Variants in GRIA4 observed in about 807,000 individuals in gnomAD.
GRIA4 encodes glutamate ionotropic receptor AMPA type subunit 4.
In GRIA4, 34 loss-of-function variants were observed where a neutral mutation model predicts 104.0. The ratio of observed to expected loss-of-function variants is 0.33; its 90% CI spans 0.25 to 0.44. The LOEUF (loss-of-function observed/expected upper bound fraction) is 0.44. Among genes scored for constraint, GRIA4 ranks in the 20% least tolerant of loss-of-function variants. GRIA4 has a pLI of 1.00. For synonymous variants in GRIA4, 386 were observed against 381.9 expected, an observed-to-expected ratio of 1.01 and a Z score of -0.13; for missense variants, 750 against 1,096.5, an observed-to-expected ratio of 0.68 and a Z score of 4.46.
chr11:105,905,991 T>C (rs567872776), intron 9 of GRIA4, among the ~76,000 whole-genome samples: 1 of 152,326 alleles, frequency 6.6e-6, no homozygotes, highest in South Asian at 2.1e-4. Context: ...AGCTAACTCA[T>C]GTAATTTTTA....
intron 3 of GRIA4, among the ~76,000 whole-genome samples, chr11:105,630,379 C>CA (rs34107264): frequency 0.42 from 63,728 of 151,926 alleles, 13,809 homozygotes; most frequent in South Asian, 0.57. Context: ...GCCTGACTGA[C>CA]ATGGTGAGAC....
chr11:105,788,052 A>G (rs1369245794), intron 4 of GRIA4, among the ~76,000 whole-genome samples: 1 of 152,162 alleles, frequency 6.6e-6, no homozygotes, highest in East Asian at 1.9e-4. Flanking sequence ...AGAAAGTACT[A>G]TTGTTGACAA....
chr11:105,639,205 T>C (rs1245988657), intron 3 of GRIA4, among the ~76,000 whole-genome samples: 1 of 152,148 alleles, frequency 6.6e-6, no homozygotes, highest in African/African-American at 2.4e-5. Flanking sequence ...CAACTCTGAA[T>C]TGAGCATTTC....
chr11:105,712,410 G>A (rs1226942002), intron 3 of GRIA4, among the ~76,000 whole-genome samples: 1 of 151,832 alleles, frequency 6.6e-6, no homozygotes, highest in African/African-American at 2.4e-5. Flanking sequence ...TCTATATATA[G>A]ATATAGATAT....
chr11:105,797,048 T>C (rs946354738), intron 4 of GRIA4, among the ~76,000 whole-genome samples: 5 of 151,542 alleles, frequency 3.3e-5, no homozygotes, highest in African/African-American at 4.8e-5. Flanking sequence ...CCCCCGTCAA[T>C]ACAAAAAATA....
chr11:105,828,277 CTGTT>C (rs1308796196), intron 4 of GRIA4, among the ~76,000 whole-genome samples: 2 of 151,990 alleles, frequency 1.3e-5, no homozygotes, highest in Non-Finnish European at 2.9e-5. Context: ...ACCTCCAAGA[CTGTT>C]TTATTCTGTA....
At chr11:105,687,554 T>C (rs1422251884) in intron 3 of GRIA4, among the ~76,000 whole-genome samples, 1 of 152,216 alleles carries the variant, frequency 6.6e-6, no homozygotes, top group East Asian at 1.9e-4. Context: ...TATCAGGACT[T>C]GGCAACTGAT....
intron 3 of GRIA4, among the ~76,000 whole-genome samples, chr11:105,684,392 G>A (rs1253919358): frequency 6.6e-6 from 1 of 151,758 alleles, no homozygotes; most frequent in Non-Finnish European, 1.5e-5. Flanking sequence ...TGTATGTCAG[G>A]CATTTGTTTA....
At position 105,796,929 on chromosome 11, in the gene GRIA4, T is replaced by C. The variant is rs7105689; in HGVS notation, c.487+43709T>C. 3.9e-3 allele frequency among the ~76,000 whole-genome samples: 595 copies of C among 152,198 alleles called. 6 individuals are homozygous for C. Among genetic ancestry groups the C allele is most frequent in the African/African-American group, 0.013 (548 of 41,548 alleles). ...TACAGAAGGCACCATATTAGAAGCA[T>C]TGATACATAAAAATACCGCTGGCCA... On this transcript the variant is annotated intron_variant, in intron 4 of 16. Transcript: ENST00000282499.
intron 5 of GRIA4, among the ~76,000 whole-genome samples, chr11:105,882,639 G>C (rs1389268639): frequency 6.6e-6 from 1 of 152,048 alleles, no homozygotes; most frequent in Non-Finnish European, 1.5e-5. Context: ...ATCACTTCTT[G>C]AAACCCACTG....
chr11:105,733,450 G>T (rs753105704), intron 3 of GRIA4, among the ~76,000 whole-genome samples: 23 of 151,804 alleles, frequency 1.5e-4, no homozygotes, highest in African/African-American at 5.1e-4. Context: ...TTCCATAGAC[G>T]TCTATTCTTT....
intron 11 of GRIA4, among the ~76,000 whole-genome samples, chr11:105,920,254 C>G (rs1455177808): frequency 6.6e-6 from 1 of 152,078 alleles, no homozygotes; most frequent in Non-Finnish European, 1.5e-5. Flanking sequence ...TATTTTACCA[C>G]AGAGTTCATC....
chr11:105,848,349 G>A (rs1944669723), intron 4 of GRIA4, among the ~76,000 whole-genome samples: 1 of 152,070 alleles, frequency 6.6e-6, no homozygotes, highest in Non-Finnish European at 1.5e-5. Flanking sequence ...CATGTACAAC[G>A]TGATGATTTA....
intron 4 of GRIA4, among the ~76,000 whole-genome samples, chr11:105,832,320 C>T (rs899965602): frequency 6.6e-6 from 1 of 151,694 alleles, no homozygotes; most frequent in Admixed American, 6.6e-5. Context: ...ACTGTCTTTA[C>T]ACAAGCTCTC....
chr11:105,940,328 C>T (rs749905639), intron 14 of GRIA4, among the ~76,000 whole-genome samples: 1 of 152,032 alleles, frequency 6.6e-6, no homozygotes, highest in Non-Finnish European at 1.5e-5. Flanking sequence ...CACCACTGCA[C>T]TCCAGCCTGG....
Position 105,862,009 on chromosome 11 carries a change from T to G in GRIA4, c.488-15T>G. 1 of 1,574,576 alleles carries G rather than the reference T, an allele frequency of 6.4e-7. No individual in the cohort carries two copies. Among genetic ancestry groups the G allele is most frequent in the Non-Finnish European group, 8.7e-7 (1 of 1,150,402 alleles). ...GTAAAAGCATGTTTTTAGTAACTTTTTTTTTCCCCAATAGGATACTCGATA... is the reference window on the plus strand; with the variant it reads ...GTAAAAGCATGTTTTTAGTAACTTTGTTTTTCCCCAATAGGATACTCGATA... On this transcript the variant is annotated splice_polypyrimidine_tract_variant and intron_variant, in intron 4 of 16. Coordinates refer to ENST00000282499, the MANE Select transcript of GRIA4 (RefSeq NM_000829.4).
intron 3 of GRIA4, among the ~76,000 whole-genome samples, chr11:105,734,027 TATATATGTATATTATATATA>T (rs1182866149): frequency 1.0e-3 from 154 of 147,184 alleles, no homozygotes; most frequent in Middle Eastern, 3.6e-3. Context: ...TATGAATTCA[TATATATGTATATTATATATA>T]ATATATGTAT....
intron 3 of GRIA4, among the ~76,000 whole-genome samples, chr11:105,654,013 A>AG (rs2042450217): frequency 6.8e-6 from 1 of 147,732 alleles, no homozygotes; most frequent in Non-Finnish European, 1.5e-5. Flanking sequence ...AAAAAAAAAA[A>AG]AAAAAAAAAA....
At chr11:105,757,023 C>G (rs1367186123) in intron 4 of GRIA4, among the ~76,000 whole-genome samples, 1 of 152,074 alleles carries the variant, frequency 6.6e-6, no homozygotes, top group Non-Finnish European at 1.5e-5. Flanking sequence ...AATGGAGCTT[C>G]CTATGGAAAT....
Sources: gnomAD v4.1 joint callset for allele counts (sites outside exome capture counted in the v4.1 genomes callset) on GRCh38, gnomAD v4.1.1 for gene constraint, MANE v1.5 for transcripts, NCBI Gene and HGNC (gene_info 2026-07-23, HGNC 2026-07-21) for gene names.